Variants in ALDH8A1 observed in about 807,000 individuals in gnomAD.
ALDH8A1 encodes the protein 2-aminomuconic semialdehyde dehydrogenase.
A neutral mutation model predicts 43.3 loss-of-function variants in ALDH8A1; 39 were observed. The observed-to-expected ratio is 0.90, with a 90% CI of 0.70 to 1.18. The LOEUF is 1.18. ALDH8A1 is among the 50% of genes most tolerant of loss of function. ALDH8A1 has a pLI of 0.00. For synonymous variants in ALDH8A1, 233 were observed against 243.5 expected (o/e 0.96, Z 0.40); for missense variants, 605 against 622.6 (o/e 0.97, Z 0.30).
At chr6:134,940,995 T>G (rs746743491) in intron 3 of ALDH8A1, among the ~76,000 whole-genome samples, 16 of 152,198 alleles carry the variant, frequency 1.1e-4, no homozygotes, top group Non-Finnish European at 1.6e-4. Flanking sequence ...TGTAATAAGC[T>G]AAAAAGATGA....
intron 3 of ALDH8A1, among the ~76,000 whole-genome samples, chr6:134,940,464 T>C (rs1488641385): frequency 1.3e-5 from 2 of 152,180 alleles, no homozygotes; most frequent in Non-Finnish European, 2.9e-5. Flanking sequence ...TAGGGGCCAA[T>C]GAGTTCTGAG....
intron 1 of ALDH8A1, among the ~76,000 whole-genome samples, chr6:134,949,128 A>G (rs911162375): frequency 6.6e-6 from 1 of 152,214 alleles, no homozygotes; most frequent in African/African-American, 2.4e-5. Flanking sequence ...TAAATAATCT[A>G]GTTATTTGTG....
At chr6:134,933,061 A>G (rs764440372) in intron 4 of ALDH8A1, 29 bp from the exon 5 acceptor site, 1 of 1,513,026 alleles carries the variant, frequency 6.6e-7, no homozygotes, top group African/African-American at 1.4e-5. Flanking sequence ...CAGTTATAGT[A>G]ATTCTCAGTA....
At chr6:134,925,002 G>A (rs1776861220) in intron 6 of ALDH8A1, among the ~76,000 whole-genome samples, 1 of 152,132 alleles carries the variant, frequency 6.6e-6, no homozygotes, top group East Asian at 1.9e-4. Context: ...CAAGAACAGT[G>A]GAGAAATATG....
chr6:134,934,645 C>T (rs143067957), intron 4 of ALDH8A1, among the ~76,000 whole-genome samples: 160 of 152,160 alleles, frequency 1.1e-3, no homozygotes, highest in African/African-American at 3.7e-3. Flanking sequence ...TGTATATAAA[C>T]GCATCATAAC....
Position 134,917,449 on chromosome 6 carries a change from C to T in ALDH8A1, c.*966G>A, listed in dbSNP as rs1319125036. Reference sequence around the variant, plus strand: ...TCTTTTGGGGTTAGCAAGTTGTAAGCCTCATTAGATGCATACACTAAGAAA... The same window carrying T: ...TCTTTTGGGGTTAGCAAGTTGTAAGTCTCATTAGATGCATACACTAAGAAA... On this transcript the variant is annotated 3_prime_UTR_variant, in exon 7 of 7. Coordinates refer to ENST00000265605, the MANE Select transcript of ALDH8A1 (RefSeq NM_022568.4). The T allele has an allele frequency of 2.0e-5, 3 of 152,156 alleles. No homozygotes were observed. Among genetic ancestry groups the T allele is most frequent in the Non-Finnish European group, 4.4e-5 (3 of 68,032 alleles). 9.4% of individuals were successfully genotyped at this position (152,156 alleles called of 1,614,324 possible).
intron 6 of ALDH8A1, among the ~76,000 whole-genome samples, chr6:134,923,845 A>G (rs774691998): frequency 5.3e-5 from 8 of 152,204 alleles, no homozygotes; most frequent in Non-Finnish European, 1.2e-4. Flanking sequence ...AACATGGTGT[A>G]TGAGATGGGG....
intron 4 of ALDH8A1, 86 bp from the exon 5 acceptor site, chr6:134,933,118 C>A (rs1583028726): frequency 1.4e-6 from 2 of 1,403,552 alleles, no homozygotes; most frequent in African/African-American, 1.4e-5. Context: ...AAAGTCCAAT[C>A]GCTTGAATGG....
intron 6 of ALDH8A1, among the ~76,000 whole-genome samples, chr6:134,927,840 T>G (rs1170798659): frequency 6.6e-6 from 1 of 152,028 alleles, no homozygotes; most frequent in Non-Finnish European, 1.5e-5. Context: ...TCACCAGACA[T>G]TTGCAGGTGT....
chr6:134,919,775 C>G (rs1776765766), intron 6 of ALDH8A1, among the ~76,000 whole-genome samples: 1 of 152,008 alleles, frequency 6.6e-6, no homozygotes, highest in Non-Finnish European at 1.5e-5. Flanking sequence ...AGCATTCTGC[C>G]CCAGGATTAC....
At position 134,917,752 on chromosome 6, in the gene ALDH8A1, A is replaced by G. The variant is rs1411820994; in HGVS notation, c.*663T>C. The G allele has an allele frequency of 1.3e-5, 2 of 151,604 alleles. No individual in the cohort carries two copies. The highest frequency in any genetic ancestry group is 4.9e-5 in the African/African-American group (2 of 40,966). 9.4% of individuals were successfully genotyped at this position (151,604 alleles called of 1,614,324 possible). A position where few individuals can be genotyped will look rare whatever the true frequency, so the allele number is the denominator to read the frequency against. On this transcript the variant is annotated 3_prime_UTR_variant, in exon 7 of 7. Transcript: ENST00000265605. ...CAAAGATGGCAAATTATGGCTATTT[A>G]TTTTTGGTTTTGCAGCATTTTTTTT...
chr6:134,929,088 A>G lies in ALDH8A1; in HGVS notation c.977T>C (p.Ile326Thr). Residue 326 changes from isoleucine to threonine, a missense_variant, in exon 6 of 7, where the codon ATA becomes ACA. Coordinates refer to ENST00000265605, the MANE Select transcript of ALDH8A1 (RefSeq NM_022568.4). ...VGIPSDPLVS[I>T]GALISKAHLE... ...ATGTGCTTTACTTATCAGAGCACCT[A>G]TGCTCACCAGTGGATCAGAGGGAAT... 6.2e-7 allele frequency: 1 copy of G among 1,614,230 alleles called. No homozygotes were observed. The highest frequency in any genetic ancestry group is 8.5e-7 in the Non-Finnish European group (1 of 1,180,042).
intron 1 of ALDH8A1, among the ~76,000 whole-genome samples, chr6:134,946,678 A>G (rs1382514876): frequency 1.3e-5 from 2 of 152,232 alleles, no homozygotes; most frequent in Non-Finnish European, 2.9e-5. Flanking sequence ...ATAGATACCA[A>G]GTGGTGCAGC....
At chr6:134,943,014 T>G (rs1335149719) in intron 2 of ALDH8A1, among the ~76,000 whole-genome samples, 4 of 152,186 alleles carry the variant, frequency 2.6e-5, no homozygotes, top group Non-Finnish European at 5.9e-5. Context: ...GGTAGAGTCA[T>G]CAGAAGAGCG....
In ALDH8A1 at chr6:134,917,528, T is replaced by A. The variant is rs1320582729; in HGVS notation, c.*887A>T. The stretch of plus-strand genomic sequence containing the variant: ...TGGATCAAACTATGTACTCTTCTTG[T>A]TCCAAGTTTCCTCCAAAAGTAGTAG... On this transcript the variant is annotated 3_prime_UTR_variant, in exon 7 of 7. Transcript: ENST00000265605. The A allele has an allele frequency of 6.6e-6, 1 of 152,210 alleles. No homozygotes were observed. The highest frequency in any genetic ancestry group is 1.5e-5 in the Non-Finnish European group (1 of 68,050). The allele number at this position is 152,210 out of a possible 1,614,324, so 9.4% of individuals were successfully genotyped here. A position where few individuals can be genotyped will look rare whatever the true frequency, so the allele number is the denominator to read the frequency against.
chr6:134,922,205 A>G (rs1446153534), intron 6 of ALDH8A1, among the ~76,000 whole-genome samples: 1 of 152,130 alleles, frequency 6.6e-6, no homozygotes, highest in Non-Finnish European at 1.5e-5. Context: ...AGCTGAGAGG[A>G]GTTCTACTCT....
At chr6:134,946,748 C>G (rs961963709) in intron 1 of ALDH8A1, among the ~76,000 whole-genome samples, 5 of 89,874 alleles carry the variant, frequency 5.6e-5, no homozygotes, top group African/African-American at 1.8e-4. Flanking sequence ...TGCTATAATG[C>G]AAATGTGCTA....
chr6:134,935,734 G>T (rs996604154), intron 4 of ALDH8A1, among the ~76,000 whole-genome samples: 15 of 152,068 alleles, frequency 9.9e-5, no homozygotes, highest in African/African-American at 3.6e-4. Context: ...TACTCCTTTG[G>T]ATACAACCCA....
intron 1 of ALDH8A1, among the ~76,000 whole-genome samples, chr6:134,945,117 T>C (rs1430211007): frequency 6.6e-6 from 1 of 152,200 alleles, no homozygotes; most frequent in East Asian, 1.9e-4. Context: ...TATTGACTAA[T>C]TTTTATATAA....
Sources: gnomAD v4.1 joint callset for allele counts (sites outside exome capture counted in the v4.1 genomes callset) on GRCh38, gnomAD v4.1.1 for gene constraint, MANE v1.5 for transcripts, NCBI Gene and HGNC (gene_info 2026-07-23, HGNC 2026-07-21) for gene names.